The following FOCAD variants were observed in gnomAD, a reference collection of about 807,000 sequenced individuals.
The protein encoded by FOCAD is focadhesin, also known as KIAA1797.
Under a neutral mutation model 225.6 loss-of-function variants are expected in FOCAD, and 198 were observed. The ratio of observed to expected loss-of-function variants is 0.88; its 90% confidence interval spans 0.78 to 0.99. FOCAD has a LOEUF of 0.99. FOCAD is among the 50% of genes least tolerant of loss of function. The pLI is 0.00. For synonymous variants in FOCAD, 897 were observed against 755.0 expected, an observed-to-expected ratio of 1.19 and a Z score of -3.08; for missense variants, 2,713 against 2,123.6, an observed-to-expected ratio of 1.28 and a Z score of -5.46.
At chr9:20,940,578 A>C (rs1267803030) in intron 28 of FOCAD, among the ~76,000 whole-genome samples, 1 of 152,046 alleles carries the variant, frequency 6.6e-6, no homozygotes, top group Non-Finnish European at 1.5e-5. Flanking sequence ...GAGCCACTGC[A>C]CCCAGCATAG....
chr9:20,813,421 G>A (rs776503804), intron 11 of FOCAD, among the ~76,000 whole-genome samples: 1 of 151,942 alleles, frequency 6.6e-6, no homozygotes, highest in Non-Finnish European at 1.5e-5. Context: ...TTTTTTTGAG[G>A]AACCTTCATG....
Position 20,823,049 on chromosome 9 carries a change from C to G in FOCAD, c.1854C>G (p.Thr618=), listed in dbSNP as rs762216810. 1.2e-5 allele frequency: 19 copies of G among 1,609,606 alleles called. No individual in the cohort carries two copies. In the South Asian group the frequency reaches 2.1e-4, roughly 18 times the overall value. Residue 618 remains threonine, a synonymous_variant, in exon 15 of 44, where the codon ACC becomes ACG. Coordinates refer to ENST00000338382, the MANE Select transcript of FOCAD (RefSeq NM_001375567.1). ...AAISQVLNEC[T]KPDQATPAAL... ...TTTCTCAAGTGTTGAATGAATGCACCAAGCCTGATCAAGCTACTCCAGCAG... is the reference window on the plus strand; with the variant it reads ...TTTCTCAAGTGTTGAATGAATGCACGAAGCCTGATCAAGCTACTCCAGCAG...
At chr9:20,794,236 A>G (rs908773299) in intron 11 of FOCAD, among the ~76,000 whole-genome samples, 2 of 152,216 alleles carry the variant, frequency 1.3e-5, no homozygotes, top group African/African-American at 4.8e-5. Context: ...ATGTCCTAAG[A>G]GATGTTGGAA....
chr9:20,943,835 T>C (rs569575276), intron 28 of FOCAD, among the ~76,000 whole-genome samples: 1 of 152,320 alleles, frequency 6.6e-6, no homozygotes, highest in African/African-American at 2.4e-5. Context: ...TTCTTTAAAG[T>C]AAAGCATTAC....
At chr9:20,886,579 T>C (rs764186173) in intron 21 of FOCAD, among the ~76,000 whole-genome samples, 1 of 152,196 alleles carries the variant, frequency 6.6e-6, no homozygotes, top group Non-Finnish European at 1.5e-5. Context: ...GTCCGAGATA[T>C]AAGCACAGAA....
chr9:20,741,676 C>CCTT (rs778773273), intron 5 of FOCAD, among the ~76,000 whole-genome samples: 3 of 87,194 alleles, frequency 3.4e-5, no homozygotes, highest in Non-Finnish European at 6.4e-5. Flanking sequence ...GGTAAATATG[C>CCTT]TTTTTTTTTT....
At chr9:20,917,298 T>C (rs1368490073) in intron 24 of FOCAD, among the ~76,000 whole-genome samples, 1 of 152,106 alleles carries the variant, frequency 6.6e-6, no homozygotes, top group African/African-American at 2.4e-5. Context: ...ATATGAGTTA[T>C]GTTGGTAGTA....
intron 18 of FOCAD, among the ~76,000 whole-genome samples, chr9:20,868,391 A>G (rs189156671): frequency 6.6e-6 from 1 of 152,054 alleles, no homozygotes; most frequent in Non-Finnish European, 1.5e-5. Context: ...TACTCTTGAC[A>G]TTTAGTCTCT....
At chr9:20,757,920 C>G (rs950806775) in intron 5 of FOCAD, among the ~76,000 whole-genome samples, 170 bp from the exon 6 acceptor site, 12 of 152,098 alleles carry the variant, frequency 7.9e-5, no homozygotes, top group African/African-American at 2.7e-4. Context: ...AGAGTCAGTT[C>G]TGATGAACCA....
chr9:20,763,458 C>T (rs1051366560), intron 6 of FOCAD, among the ~76,000 whole-genome samples: 2 of 152,146 alleles, frequency 1.3e-5, no homozygotes, highest in African/African-American at 2.4e-5. Flanking sequence ...TGTAGCAAGA[C>T]ACTGTCTCTT....
In FOCAD at chr9:20,737,486, G is replaced by T. The variant is rs13286329; in HGVS notation, c.288-2750G>T. Among the ~76,000 whole-genome samples the T allele has an allele frequency of 5.0e-3, 759 of 152,324 alleles. 3 individuals carry two copies. Among genetic ancestry groups the T allele is most frequent in the Non-Finnish European group, 9.0e-3 (614 of 68,020 alleles). ...TTCAACTAATCATTAGGCTCAGAGT[G>T]CAGTCTTACGAGGTTACTAGGTGAA... is the stretch of plus-strand genomic sequence containing the variant. On this transcript the variant is annotated intron_variant, in intron 4 of 43. Coordinates refer to ENST00000338382, the MANE Select transcript of FOCAD (RefSeq NM_001375567.1).
At chr9:20,701,329 C>T (rs149605097) in intron 1 of FOCAD, among the ~76,000 whole-genome samples, 2 of 152,204 alleles carry the variant, frequency 1.3e-5, no homozygotes, top group Non-Finnish European at 1.5e-5. Context: ...AACTCATGCA[C>T]ACACAAATTT....
intron 24 of FOCAD, among the ~76,000 whole-genome samples, chr9:20,921,230 G>T (rs150002803): frequency 3.9e-5 from 6 of 152,234 alleles, no homozygotes; most frequent in Non-Finnish European, 5.9e-5. Context: ...AATATGTAAT[G>T]TAATACTTTG....
At chr9:20,886,225 T>C (rs1831092354) in intron 21 of FOCAD, among the ~76,000 whole-genome samples, 1 of 147,360 alleles carries the variant, frequency 6.8e-6, no homozygotes, top group Non-Finnish European at 1.5e-5. Context: ...GCTTTTTTTT[T>C]GCCTAATATA....
intron 8 of FOCAD, among the ~76,000 whole-genome samples, chr9:20,773,131 G>C (rs1385406735): frequency 6.6e-6 from 1 of 152,108 alleles, no homozygotes; most frequent in Non-Finnish European, 1.5e-5. Context: ...AGATTCATGT[G>C]AGTAGCAAGT....
chr9:20,712,738 T>TTC (rs1824963191), intron 1 of FOCAD, among the ~76,000 whole-genome samples: 1 of 143,032 alleles, frequency 7.0e-6, no homozygotes, highest in Non-Finnish European at 1.5e-5. Flanking sequence ...TTCTTTTTTT[T>TTC]TTTTTTTTTT....
At chr9:20,701,595 A>G (rs1823954467) in intron 1 of FOCAD, among the ~76,000 whole-genome samples, 1 of 152,230 alleles carries the variant, frequency 6.6e-6, no homozygotes, top group Non-Finnish European at 1.5e-5. Flanking sequence ...GGAAGTGGCC[A>G]ATTGTTATCC....
chr9:20,786,248 A>G (rs180713946), intron 10 of FOCAD, among the ~76,000 whole-genome samples: 64 of 152,328 alleles, frequency 4.2e-4, no homozygotes, highest in Non-Finnish European at 8.8e-4. Context: ...ACAGGGGAAC[A>G]AACTGTGATA....
rs1824129737 is a variant in FOCAD, at chr9:20,819,881, C to T, written c.1541C>T (p.Pro514Leu). The T allele has an allele frequency of 6.5e-7, 1 of 1,538,626 alleles. No homozygotes were observed. The highest frequency in any genetic ancestry group is 8.7e-7 in the Non-Finnish European group (1 of 1,143,200). The change falls in exon 12 of 44, where the codon CCT becomes CTT. Residue 514 changes from proline (P) to leucine (L), a missense_variant. Transcript: ENST00000338382. ...ILYNDILYTL[P>L]KLGVHKVCIG... ...TATAATGATATATTGTATACTTTAC[C>T]TAAGCTTGGTGTTCACAAGGTTAGT...
Sources: allele counts gnomAD v4.1 joint callset (sites outside exome capture counted in the v4.1 genomes callset), GRCh38; gene constraint gnomAD v4.1.1; transcripts MANE v1.5; gene names NCBI Gene and HGNC (gene_info 2026-07-23, HGNC 2026-07-21).